The following CLEC3B variants were observed in gnomAD, a reference collection of about 807,000 sequenced individuals.
CLEC3B encodes tetranectin.
A neutral mutation model predicts 15.4 loss-of-function variants in CLEC3B; 13 were observed. The ratio of observed to expected loss-of-function variants is 0.84; its 90% CI spans 0.55 to 1.34. CLEC3B has a LOEUF of 1.34. Among genes scored for constraint, CLEC3B ranks in the 40% most tolerant of loss-of-function variants. The probability of loss-of-function intolerance (pLI) is 0.00; values close to 1 mark genes in which losing one functional copy is unlikely to be tolerated. For synonymous variants in CLEC3B, 112 were observed against 114.7 expected, an observed-to-expected ratio of 0.98 and a Z score of 0.15; for missense variants, 242 against 268.6, an observed-to-expected ratio of 0.90 and a Z score of 0.69.
At chr3:45,027,404 C>T (rs765250671) in intron 1 of CLEC3B, among the ~76,000 whole-genome samples, 1 of 152,178 alleles carries the variant, frequency 6.6e-6, no homozygotes, top group Non-Finnish European at 1.5e-5. Flanking sequence ...CATGGGGCCT[C>T]ACAACACTGT....
rs982015115 is a variant in CLEC3B at position 45,026,528 on chromosome 3, T to C, written c.109+57T>C. 7 of 1,426,642 alleles carry C rather than the reference T, an allele frequency of 4.9e-6. No individual in the cohort carries two copies. In the African/African-American group the frequency reaches 9.9e-5, roughly 20 times the overall value. 88.4% of individuals were successfully genotyped at this position (1,426,642 alleles called of 1,614,324 possible). A position where few individuals can be genotyped will look rare whatever the true frequency, so the allele number is the denominator to read the frequency against. Reference sequence around the variant, plus strand: ...TCCAGGGAGCAGGTCCCCCTCTCCTTAGTGTGTCCTCATGCTCCTTTCCTT... The same window carrying C: ...TCCAGGGAGCAGGTCCCCCTCTCCTCAGTGTGTCCTCATGCTCCTTTCCTT... On this transcript the variant is annotated intron_variant, in intron 1 of 2. Coordinates refer to ENST00000296130, the MANE Select transcript of CLEC3B (RefSeq NM_003278.3).
intron 2 of CLEC3B, among the ~76,000 whole-genome samples, chr3:45,032,228 A>G (rs1697568555): frequency 6.6e-6 from 1 of 151,976 alleles, no homozygotes; most frequent in South Asian, 2.1e-4. Flanking sequence ...GAAACCCCCA[A>G]CAGCCTTCTC....
rs1048000919 is a variant in CLEC3B, at chr3:45,035,852, G to C, written c.537G>C (p.Ala179=). The C allele has an allele frequency of 2.5e-6, 4 of 1,612,544 alleles. No homozygotes were observed. Among genetic ancestry groups the C allele is most frequent in the Middle Eastern group, 3.3e-4 (2 of 6,082 alleles). Residue 179 remains alanine (A), a synonymous_variant, in exon 3 of 3, where the codon GCG becomes GCC. Coordinates refer to ENST00000296130, the MANE Select transcript of CLEC3B (RefSeq NM_003278.3). ...AGAACTGCGCGGTCCTGTCAGGCGC[G>C]GCCAACGGCAAGTGGTTCGACAAGC... The part of the protein sequence containing the change: ...KTENCAVLSG[A]ANGKWFDKRC...
chr3:45,035,163 C>T (rs372799994), intron 2 of CLEC3B, among the ~76,000 whole-genome samples: 21 of 152,324 alleles, frequency 1.4e-4, no homozygotes, highest in African/African-American at 4.8e-4. Context: ...GGCACCAGGC[C>T]AGCCTCTGTG....
Position 45,035,869 on chromosome 3 carries a change from T to G in CLEC3B, c.554T>G (p.Phe185Cys), listed in dbSNP as rs1697636985. ...VLSGAANGKW[F>C]DKRCRDQLPY... ...TCAGGCGCGGCCAACGGCAAGTGGT[T>G]CGACAAGCGCTGCCGCGATCAGCTG... The change falls in exon 3 of 3, where the codon TTC (phenylalanine) becomes TGC (cysteine). Residue 185 changes from phenylalanine (F) to cysteine (C), a missense_variant. Phe to Cys is a radical substitution (Grantham distance 205, BLOSUM62 -2). Transcript: ENST00000296130. 6.2e-7 allele frequency: 1 copy of G among 1,611,728 alleles called. No homozygotes were observed. The highest frequency in any genetic ancestry group is 1.7e-5 in the Admixed American group (1 of 59,980).
Position 45,035,758 on chromosome 3 carries a change from C to T in CLEC3B, c.443C>T (p.Thr148Ile), listed in dbSNP as rs1697633798. Residue 148 changes from threonine (T) to isoleucine (I), a missense_variant, in exon 3 of 3, where the codon ACC (threonine) becomes ATC (isoleucine). By Grantham distance (89) the Thr-to-Ile change is moderately conservative. Coordinates refer to ENST00000296130, the MANE Select transcript of CLEC3B (RefSeq NM_003278.3). ...GCCGAGGGCACCTGGGTGGACATGA[C>T]CGGCGCCCGCATCGCCTACAAGAAC... ...MAAEGTWVDM[T>I]GARIAYKNWE... The T allele has an allele frequency of 6.2e-7, 1 of 1,613,614 alleles. No individual in the cohort carries two copies. The highest frequency in any genetic ancestry group is 8.5e-7 in the Non-Finnish European group (1 of 1,179,992).
At chr3:45,029,618 A>T (rs887709797) in intron 1 of CLEC3B, among the ~76,000 whole-genome samples, 1 of 152,158 alleles carries the variant, frequency 6.6e-6, no homozygotes, top group Non-Finnish European at 1.5e-5. Context: ...AAGGCACCTT[A>T]TGGGTGGACG....
chr3:45,027,986 A>G (rs1697506068), intron 1 of CLEC3B, among the ~76,000 whole-genome samples: 1 of 151,294 alleles, frequency 6.6e-6, no homozygotes, highest in Non-Finnish European at 1.5e-5. Flanking sequence ...TCCAGCTGTC[A>G]CACTTGAACC....
At chr3:45,031,114 C>A (rs1453805410) in intron 2 of CLEC3B, among the ~76,000 whole-genome samples, 189 bp downstream of exon 2, 4 of 151,890 alleles carry the variant, frequency 2.6e-5, no homozygotes, top group Non-Finnish European at 5.9e-5. Context: ...TGACACGTGT[C>A]TGCAAAACTC....
chr3:45,029,278 CTT>C (rs1006373631), intron 1 of CLEC3B, among the ~76,000 whole-genome samples: 3 of 152,230 alleles, frequency 2.0e-5, no homozygotes, highest in Non-Finnish European at 4.4e-5. Flanking sequence ...AAAGGCATCT[CTT>C]TTTCTGGTCT....
At position 45,036,008 on chromosome 3, in the gene CLEC3B, C is replaced by G. The variant is rs1303904671; in HGVS notation, c.*84C>G. 3 of 1,389,734 alleles carry G rather than the reference C, an allele frequency of 2.2e-6. No individual in the cohort carries two copies. Among genetic ancestry groups the G allele is most frequent in the East Asian group, 2.5e-5 (1 of 40,226 alleles). 86.1% of individuals were successfully genotyped at this position (1,389,734 alleles called of 1,614,324 possible). The stretch of plus-strand genomic sequence containing the variant: ...AGGAGGGTGGGGACCTTGCAGCCCC[C>G]ATCCTCTCCGTGCGCTTGGAGCCTC... On this transcript the variant is annotated 3_prime_UTR_variant, in exon 3 of 3. Transcript: ENST00000296130.
At chr3:45,030,803 C>G in intron 1 of CLEC3B, 24 bp from the exon 2 acceptor site, 1 of 1,539,432 alleles carries the variant, frequency 6.5e-7, no homozygotes, top group Non-Finnish European at 8.8e-7. Flanking sequence ...CTGCCCCACC[C>G]TGACATATTT....
At chr3:45,034,306 T>C (rs1411172603) in intron 2 of CLEC3B, among the ~76,000 whole-genome samples, 1 of 152,242 alleles carries the variant, frequency 6.6e-6, no homozygotes, top group Non-Finnish European at 1.5e-5. Flanking sequence ...GGGCAGAGTC[T>C]GTGGGTAGAC....
chr3:45,032,889 AGG>A (rs1279115956), intron 2 of CLEC3B, among the ~76,000 whole-genome samples: 7 of 152,230 alleles, frequency 4.6e-5, no homozygotes, highest in African/African-American at 1.7e-4. Flanking sequence ...AGTGCATTCA[AGG>A]CAAGAAGGAG....
chr3:45,026,515 G>T (rs201995829), intron 1 of CLEC3B, 44 bp downstream of exon 1: 25 of 1,538,962 alleles, frequency 1.6e-5, no homozygotes, highest in Non-Finnish European at 2.0e-5. Flanking sequence ...CAGGGAGCAG[G>T]TCCCCCTCTC....
intron 2 of CLEC3B, 37 bp from the exon 3 acceptor site, chr3:45,035,487 G>A: frequency 6.4e-7 from 1 of 1,559,672 alleles, no homozygotes. Flanking sequence ...GGGGAACAGG[G>A]GGACCTTCGG....
At chr3:45,026,613 G>A (rs1361304989) in intron 1 of CLEC3B, 142 bp downstream of exon 1, 3 of 711,458 alleles carry the variant, frequency 4.2e-6, no homozygotes, top group Non-Finnish European at 4.9e-6. Flanking sequence ...GGGGCTTGGG[G>A]GAGTTCTCTC....
At chr3:45,031,362 G>C (rs572530927) in intron 2 of CLEC3B, among the ~76,000 whole-genome samples, 7 of 152,238 alleles carry the variant, frequency 4.6e-5, no homozygotes, top group Non-Finnish European at 1.0e-4. Context: ...CAGCTTTGCT[G>C]ACCCTGTCTC....
chr3:45,030,645 TG>T (rs1423765433), intron 1 of CLEC3B, among the ~76,000 whole-genome samples, 181 bp from the exon 2 acceptor site: 1 of 152,186 alleles, frequency 6.6e-6, no homozygotes, highest in Non-Finnish European at 1.5e-5. Flanking sequence ...AAGTGAAGGA[TG>T]GGCCCCCTGG....
Sources: gnomAD v4.1 joint callset for allele counts (sites outside exome capture counted in the v4.1 genomes callset) on GRCh38, gnomAD v4.1.1 for gene constraint, MANE v1.5 for transcripts, NCBI Gene and HGNC (gene_info 2026-07-23, HGNC 2026-07-21) for gene names.